Variants in KIFBP observed in about 807,000 individuals in gnomAD.
The protein encoded by KIFBP is KIF-binding protein.
A neutral mutation model predicts 58.9 loss-of-function variants in KIFBP; 46 were observed. The observed-to-expected ratio is 0.78, with a 90% confidence interval of 0.62 to 1.00. The LOEUF is 1.00. Ranked by LOEUF, KIFBP falls within the 50% of genes least tolerant of loss-of-function variation. The pLI is 0.00. For missense variants in KIFBP, 651 were observed against 752.9 expected, an observed-to-expected ratio of 0.86 and a Z score of 1.58; for synonymous variants, 241 against 283.4, an observed-to-expected ratio of 0.85 and a Z score of 1.50.
chr10:69,010,875 T>TAG (rs1310015222), intron 5 of KIFBP, 25 bp from the exon 6 acceptor site: 1 of 1,491,242 alleles, frequency 6.7e-7, no homozygotes. Context: ...ACCATTAACT[T>TAG]AAACAAATCA....
At position 69,000,294 on chromosome 10, in the gene KIFBP, G is replaced by A; in HGVS notation, c.427-130G>A. 25 of 697,516 alleles carry A rather than the reference G, an allele frequency of 3.6e-5. 2 individuals are homozygous for A. The South Asian group carries it at 3.7e-4, about 10-fold the overall frequency. The allele number at this position is 697,516 out of a possible 1,614,324, so 43.2% of individuals were successfully genotyped here. On this transcript the variant is annotated intron_variant, in intron 1 of 6. Transcript: ENST00000361983. ...CACTACATAAGGTCAATATCATTGT[G>A]AATAATTAATTCATTGGTAATCCAA...
At chr10:68,989,545 A>G (rs1843317937) in intron 1 of KIFBP, 4 of 546,590 alleles carry the variant, frequency 7.3e-6, no homozygotes, top group Non-Finnish European at 9.8e-6. Context: ...GTGGCGATGC[A>G]TTGGTGTCCG....
At chr10:68,996,617 C>G (rs1843410050) in intron 1 of KIFBP, among the ~76,000 whole-genome samples, 1 of 151,668 alleles carries the variant, frequency 6.6e-6, no homozygotes, top group Admixed American at 6.6e-5. Context: ...CTTTGGGAGG[C>G]TGAGGTAGGT....
At chr10:69,000,589 C>G in intron 2 of KIFBP, 67 bp downstream of exon 2, 1 of 1,021,868 alleles carries the variant, frequency 9.8e-7, no homozygotes, top group Non-Finnish European at 1.5e-6. Context: ...AGTAAGAATC[C>G]CTCATTCGTA....
Position 69,016,436 on chromosome 10 carries a change from G to A in KIFBP, c.*20G>A, listed in dbSNP as rs201287646. Reference sequence around the variant, plus strand: ...ACTTAATCCTTGTTTTTAAAGAAAGGAAATGTGCAATATTGAAGTGATCTT... The same window carrying A: ...ACTTAATCCTTGTTTTTAAAGAAAGAAAATGTGCAATATTGAAGTGATCTT... On this transcript the variant is annotated 3_prime_UTR_variant, in exon 7 of 7. Coordinates refer to ENST00000361983, the MANE Select transcript of KIFBP (RefSeq NM_015634.4). 2.4e-4 allele frequency: 383 copies of A among 1,612,786 alleles called. No individual in the cohort carries two copies. Among genetic ancestry groups the A allele is most frequent in the Non-Finnish European group, 3.0e-4 (352 of 1,179,376 alleles).
At position 69,016,056 on chromosome 10, in the gene KIFBP, T is replaced by C. The variant is rs1371483818; in HGVS notation, c.1506T>C (p.Ile502=). Residue 502 remains isoleucine, a synonymous_variant, in exon 7 of 7, where the codon ATT becomes ATC. Coordinates refer to ENST00000361983, the MANE Select transcript of KIFBP (RefSeq NM_015634.4). ...ADRLRDPDSH[I]VKKINNLNKS... is the part of the protein sequence containing the mutation. ...GGCTAAGGGATCCTGATTCACACAT[T>C]GTAAAAAAAATAAATAATCTTAATA... The C allele has an allele frequency of 6.2e-7, 1 of 1,614,094 alleles. No homozygotes were observed. The highest frequency in any genetic ancestry group is 8.5e-7 in the Non-Finnish European group (1 of 1,180,018).
intron 1 of KIFBP, among the ~76,000 whole-genome samples, chr10:68,998,771 A>ATATATATTTTTTTT (rs1357079794): frequency 1.0e-5 from 1 of 99,856 alleles, no homozygotes; most frequent in Admixed American, 1.2e-4. Flanking sequence ...ATATATATAT[A>ATATATATTTTTTTT]TTTTTTTTTT....
At chr10:69,014,714 T>TTTTTGAGACGGAGTCTCGC (rs1415299770) in intron 6 of KIFBP, among the ~76,000 whole-genome samples, 2 of 134,566 alleles carry the variant, frequency 1.5e-5, no homozygotes, top group African/African-American at 2.9e-5. Flanking sequence ...CTTTTTTTAT[T>TTTTTGAGACGGAGTCTCGC]TGCCCCCCCC....
chr10:69,008,387 A>ATATATATATAT (rs1554843393), intron 4 of KIFBP, among the ~76,000 whole-genome samples: 3 of 60,154 alleles, frequency 5.0e-5, no homozygotes, highest in African/African-American at 2.6e-4. Flanking sequence ...TAAAAAAAAA[A>ATATATATATAT]AAAAATATAT....
intron 1 of KIFBP, among the ~76,000 whole-genome samples, chr10:68,994,462 T>C (rs1050791868): frequency 8.5e-5 from 13 of 152,108 alleles, no homozygotes; most frequent in Non-Finnish European, 1.9e-4. Context: ...GAGATTGATA[T>C]TACATTAGAT....
rs369221250 is a variant in KIFBP, at chr10:69,000,539, A to T, written c.525+17A>T. ...ATGAAAGAGGTATGTTACATGTCAG[A>T]TGAGTTTTAAGTTTTGATTGAAACT... On this transcript the variant is annotated intron_variant, in intron 2 of 6. Coordinates refer to ENST00000361983, the MANE Select transcript of KIFBP (RefSeq NM_015634.4). 2.1e-6 allele frequency: 3 copies of T among 1,459,044 alleles called. No homozygotes were observed. In the African/African-American group the frequency reaches 4.2e-5, roughly 20 times the overall value. The allele number at this position is 1,459,044 out of a possible 1,614,324, so 90.4% of individuals were successfully genotyped here.
chr10:68,992,247 G>C (rs866699617), intron 1 of KIFBP, among the ~76,000 whole-genome samples: 11 of 152,166 alleles, frequency 7.2e-5, no homozygotes, highest in Admixed American at 2.0e-4. Context: ...ACCCACCCCA[G>C]CCTCCCAAAG....
chr10:68,992,006 A>G (rs1285706379), intron 1 of KIFBP, among the ~76,000 whole-genome samples: 1 of 132,980 alleles, frequency 7.5e-6, no homozygotes, highest in South Asian at 2.3e-4. Flanking sequence ...TTTTATTTTT[A>G]TTTTTGAGAC....
chr10:69,000,410 T>C lies in KIFBP; in HGVS notation c.427-14T>C, dbSNP rs1564635604. On this transcript the variant is annotated splice_polypyrimidine_tract_variant and intron_variant, in intron 1 of 6. Transcript: ENST00000361983. ...TTATATCATTGTTTGTTTCTCTTTTTCTTTATTTTCCAGAATAACCTGGGT... is the reference window on the plus strand; with the variant it reads ...TTATATCATTGTTTGTTTCTCTTTTCCTTTATTTTCCAGAATAACCTGGGT... 6.5e-7 allele frequency: 1 copy of C among 1,544,064 alleles called. No homozygotes were observed. The highest frequency in any genetic ancestry group is 9.0e-7 in the Non-Finnish European group (1 of 1,116,720).
At chr10:69,000,577 A>AACTAGTTAAGAAAC (rs1843456544) in intron 2 of KIFBP, 55 bp downstream of exon 2, 1 of 1,071,102 alleles carries the variant, frequency 9.3e-7, no homozygotes, top group East Asian at 2.4e-5. Context: ...TTAAGAATTG[A>AACTAGTTAAGAAAC]TAGTAAGAAT....
rs768592975 is a variant in KIFBP, at chr10:68,989,154, A to T, written c.322A>T (p.Thr108Ser). The change falls in exon 1 of 7, where the codon ACG (threonine) becomes TCG (serine). Residue 108 changes from threonine to serine, a missense_variant. Coordinates refer to ENST00000361983, the MANE Select transcript of KIFBP (RefSeq NM_015634.4). The part of the protein sequence containing the change: ...EFHLGVNHID[T>S]EELSAGEEHL... ...CCACCTCGGGGTGAACCACATCGAC[A>T]CGGAGGAGCTGTCGGCGGGGGAGGA... 1.2e-6 allele frequency: 2 copies of T among 1,613,412 alleles called. No homozygotes were observed. Among genetic ancestry groups the T allele is most frequent in the Admixed American group, 3.3e-5 (2 of 59,994 alleles).
intron 2 of KIFBP, among the ~76,000 whole-genome samples, chr10:69,004,036 A>G (rs1052664452): frequency 6.6e-6 from 1 of 151,968 alleles, no homozygotes; most frequent in Non-Finnish European, 1.5e-5. Context: ...CCTGGCCAAC[A>G]TGGAGAAACC....
rs148402210 is a variant in KIFBP at position 68,995,007 on chromosome 10, G to C, written c.427-5417G>C. Among the ~76,000 whole-genome samples the C allele has an allele frequency of 1.1e-3, 160 of 151,756 alleles. 2 individuals are homozygous for C. Among genetic ancestry groups the C allele is most frequent in the African/African-American group, 3.6e-3 (151 of 41,394 alleles). On this transcript the variant is annotated intron_variant, in intron 1 of 6. Coordinates refer to ENST00000361983, the MANE Select transcript of KIFBP (RefSeq NM_015634.4). ...TTCACCTCAGCCTCCTGAATAGCTGGGACTATGTAGAAATTTTATTTTATT... is the reference window on the plus strand; with the variant it reads ...TTCACCTCAGCCTCCTGAATAGCTGCGACTATGTAGAAATTTTATTTTATT...
intron 2 of KIFBP, among the ~76,000 whole-genome samples, chr10:69,004,401 A>C (rs952124866): frequency 6.6e-6 from 1 of 151,844 alleles, no homozygotes; most frequent in Non-Finnish European, 1.5e-5. Context: ...AAAAGAAAAA[A>C]TACTTCAAGA....
Sources: gnomAD v4.1 joint callset for allele counts (sites outside exome capture counted in the v4.1 genomes callset) on GRCh38, gnomAD v4.1.1 for gene constraint, MANE v1.5 for transcripts, NCBI Gene and HGNC (gene_info 2026-07-23, HGNC 2026-07-21) for gene names.